Variants in CAMTA1 observed in about 807,000 individuals in gnomAD.
CAMTA1 encodes the protein calmodulin binding transcription activator 1.
Under a neutral mutation model 170.9 loss-of-function variants are expected in CAMTA1, and 27 were observed. The observed-to-expected ratio is 0.16, with a 90% CI of 0.12 to 0.22. The LOEUF (loss-of-function observed/expected upper bound fraction) is 0.22, where lower values mean the gene tolerates loss of function less well. Among genes scored for constraint, CAMTA1 ranks in the 10% least tolerant of loss-of-function variants. The pLI, the probability that CAMTA1 is intolerant of heterozygous loss-of-function variation, is 1.00. For missense variants in CAMTA1, 1,619 were observed against 2,217.2 expected (o/e 0.73, Z 5.42); for synonymous variants, 833 against 891.5 (o/e 0.93, Z 1.17).
chr1:7,574,521 G>T (rs2095166744), intron 6 of CAMTA1, among the ~76,000 whole-genome samples: 1 of 152,222 alleles, frequency 6.6e-6, no homozygotes. Context: ...CATTTTGCCA[G>T]TGAAGCTCTG....
intron 4 of CAMTA1, among the ~76,000 whole-genome samples, chr1:7,208,420 T>C (rs1658154972): frequency 6.6e-6 from 1 of 152,192 alleles, no homozygotes; most frequent in Non-Finnish European, 1.5e-5. Flanking sequence ...GGGTACCTTA[T>C]TGGGCATCTG....
chr1:7,604,680 C>T lies in CAMTA1; in HGVS notation c.511-35720C>T, dbSNP rs764435104. Among the ~76,000 whole-genome samples, 7 of 152,312 alleles carry T rather than the reference C, an allele frequency of 4.6e-5. No individual in the cohort carries two copies. In the East Asian group the frequency reaches 7.7e-4, roughly 17 times the overall value. The stretch of plus-strand genomic sequence containing the variant: ...CGTCTGAAGACTTCTTCTCTCAACT[C>T]GTCAAAGTCATTGTCTGTCCAGCTT... On this transcript the variant is annotated intron_variant, in intron 6 of 22. Transcript: ENST00000303635.
intron 3 of CAMTA1, among the ~76,000 whole-genome samples, chr1:6,833,705 A>G (rs1015898457): frequency 3.3e-5 from 5 of 152,212 alleles, no homozygotes; most frequent in Non-Finnish European, 7.3e-5. Flanking sequence ...TCATTAGCCC[A>G]AGAAAAATTT....
At chr1:6,805,697 A>G (rs12066811) in intron 1 of CAMTA1, among the ~76,000 whole-genome samples, 9,790 of 151,938 alleles carry the variant, frequency 0.064, 347 homozygotes, top group Middle Eastern at 0.099. Context: ...ATAGAAACGG[A>G]GTCTCTATAT....
chr1:7,738,539 T>A lies in CAMTA1; in HGVS notation c.4182+57T>A. On this transcript the variant is annotated intron_variant, in intron 16 of 22. Transcript: ENST00000303635. This position sits in a 1 kb window ranked among gnomAD's most constrained non-coding sequence, Gnocchi z 4.9. ...GGCTGGTGCGTTCCAGTTGCTGTGA[T>A]CTTTATGGTCCATTTCCGAAGGTTG... 1 of 1,550,216 alleles carries A rather than the reference T, an allele frequency of 6.5e-7. No individual in the cohort carries two copies. The highest frequency in any genetic ancestry group is 8.7e-7 in the Non-Finnish European group (1 of 1,143,916).
chr1:6,997,454 C>T (rs559678836), intron 3 of CAMTA1, among the ~76,000 whole-genome samples: 23 of 152,156 alleles, frequency 1.5e-4, no homozygotes, highest in Middle Eastern at 3.4e-3. Flanking sequence ...GGAAGCATGT[C>T]GCGTCTCTCC....
chr1:6,954,732 A>T (rs1689132049), intron 3 of CAMTA1, among the ~76,000 whole-genome samples: 1 of 152,280 alleles, frequency 6.6e-6, no homozygotes, highest in East Asian at 1.9e-4. Context: ...TGCCTTTGAA[A>T]GCCCTGCCCC....
At position 7,492,405 on chromosome 1, in the gene CAMTA1, G is replaced by T. The variant is rs181738101; in HGVS notation, c.510+24504G>T. Among the ~76,000 whole-genome samples the T allele has an allele frequency of 4.7e-3, 723 of 152,216 alleles. 5 individuals carry two copies. Among genetic ancestry groups the T allele is most frequent in the African/African-American group, 0.017 (687 of 41,548 alleles). On this transcript the variant is annotated intron_variant, in intron 6 of 22. Coordinates refer to ENST00000303635, the MANE Select transcript of CAMTA1 (RefSeq NM_015215.4). ...TTGCAGTCTGGGATCCTCAGCTGGG[G>T]TGTGCACATGAGCAAGGGTGCTCTA...
intron 3 of CAMTA1, among the ~76,000 whole-genome samples, chr1:7,076,357 A>G (rs969700549): frequency 4.6e-5 from 7 of 152,206 alleles, no homozygotes; most frequent in Non-Finnish European, 1.0e-4. Flanking sequence ...CTGAATCACA[A>G]GGTTTTCAGG....
intron 2 of CAMTA1, among the ~76,000 whole-genome samples, chr1:6,823,159 A>G (rs1014352356): frequency 6.6e-6 from 1 of 152,140 alleles, no homozygotes; most frequent in Non-Finnish European, 1.5e-5. Flanking sequence ...GGGGGATTTT[A>G]AAAAATGGAA....
chr1:7,587,930 C>T (rs542922525), intron 6 of CAMTA1, among the ~76,000 whole-genome samples: 4 of 152,148 alleles, frequency 2.6e-5, no homozygotes, highest in Non-Finnish European at 4.4e-5. Flanking sequence ...GGTACCTCCC[C>T]AGAACCCGCC....
rs1216944843 is a variant in CAMTA1 at position 7,545,979 on chromosome 1, G to A, written c.510+78078G>A. Among the ~76,000 whole-genome samples the A allele has an allele frequency of 4.1e-5, 6 of 144,928 alleles. No homozygotes were observed. The East Asian group carries it at 5.9e-4, about 14-fold the overall frequency. On this transcript the variant is annotated intron_variant, in intron 6 of 22. Coordinates refer to ENST00000303635, the MANE Select transcript of CAMTA1 (RefSeq NM_015215.4). ...TTTCTTTTTTTTTTTTTTTTGAGAC[G>A]GAGTCTCGCTCTGTCGCCCAGGCTG...
At chr1:7,230,437 C>T (rs1030408501) in intron 4 of CAMTA1, among the ~76,000 whole-genome samples, 4 of 78,922 alleles carry the variant, frequency 5.1e-5, no homozygotes, top group South Asian at 5.2e-4. Context: ...GGCTGACCCC[C>T]CCCCCCCGCC....
intron 5 of CAMTA1, among the ~76,000 whole-genome samples, chr1:7,258,418 A>G (rs892072912): frequency 1.3e-5 from 2 of 152,222 alleles, no homozygotes; most frequent in Non-Finnish European, 2.9e-5. Context: ...ACGTTAGCCC[A>G]TAAGGACAGG....
intron 11 of CAMTA1, among the ~76,000 whole-genome samples, chr1:7,709,685 T>A (rs1300752731): frequency 6.6e-6 from 1 of 152,180 alleles, no homozygotes; most frequent in Admixed American, 6.5e-5. Flanking sequence ...TAACAGCTGT[T>A]CTCTTTCATA....
At position 6,827,266 on chromosome 1, in the gene CAMTA1, A is replaced by G. The variant is rs1647336533; in HGVS notation, c.234+2056A>G. On this transcript the variant is annotated intron_variant, in intron 3 of 22. Coordinates refer to ENST00000303635, the MANE Select transcript of CAMTA1 (RefSeq NM_015215.4). ...GTATGTTCTGAAGGGTGGAGGCAGC[A>G]GGAGGTGGCACAGCTGATGGGTGAA... is the stretch of plus-strand genomic sequence containing the variant. Among the ~76,000 whole-genome samples the G allele has an allele frequency of 2.0e-5, 3 of 152,344 alleles. No individual in the cohort carries two copies. In the South Asian group the frequency reaches 6.2e-4, roughly 32 times the overall value.
At chr1:7,361,731 C>T (rs953264949) in intron 5 of CAMTA1, among the ~76,000 whole-genome samples, 6 of 152,212 alleles carry the variant, frequency 3.9e-5, no homozygotes, top group Non-Finnish European at 8.8e-5. Flanking sequence ...GGACTCACTA[C>T]TAGTTAAAGA....
chr1:7,521,090 A>G (rs1317028479), intron 6 of CAMTA1, among the ~76,000 whole-genome samples: 2 of 152,202 alleles, frequency 1.3e-5, no homozygotes, highest in Non-Finnish European at 1.5e-5. Flanking sequence ...GGCTTTTCAT[A>G]AGCTAAATGT....
At chr1:7,047,933 A>G (rs1007374710) in intron 3 of CAMTA1, among the ~76,000 whole-genome samples, 2 of 152,006 alleles carry the variant, frequency 1.3e-5, no homozygotes, top group East Asian at 3.9e-4. Flanking sequence ...TCACCAGGTG[A>G]CTTTTTCTAG....
Sources: gnomAD v4.1 joint callset for allele counts (sites outside exome capture counted in the v4.1 genomes callset) on GRCh38, gnomAD v4.1.1 for gene constraint, Gnocchi (gnomAD v3.1) non-coding constraint, MANE v1.5 for transcripts, NCBI Gene and HGNC (gene_info 2026-07-23, HGNC 2026-07-21) for gene names.